Variants in PLCH2 observed in about 807,000 individuals in gnomAD.
PLCH2 encodes 1-phosphatidylinositol 4,5-bisphosphate phosphodiesterase eta-2.
PLCH2 carries 98 observed loss-of-function variants against 134.7 expected under a neutral mutation model. The ratio of observed to expected loss-of-function variants is 0.73; its 90% confidence interval spans 0.62 to 0.86. The LOEUF (loss-of-function observed/expected upper bound fraction) is 0.86. Ranked by LOEUF, PLCH2 falls within the 40% of genes least tolerant of loss-of-function variation. PLCH2 has a pLI of 0.00. For missense variants in PLCH2, 1,994 were observed against 1,986.6 expected (o/e 1.00, Z -0.07); for synonymous variants, 974 against 827.5 (o/e 1.18, Z -3.04).
rs189154166 is a variant in PLCH2 at position 2,433,752 on chromosome 1, C to T, written c.115+3123C>T. On this transcript the variant is annotated intron_variant, in intron 2 of 3. Coordinates refer to the PLCH2 transcript ENST00000609981. ...AAAAAGACAAGGGAGAAAATCAGAC[C>T]AGCCATTGCCATCCACCTCTCCCCG... is the stretch of plus-strand genomic sequence containing the variant. Among the ~76,000 whole-genome samples the T allele has an allele frequency of 7.2e-5, 11 of 152,300 alleles. No homozygotes were observed. In the East Asian group the frequency reaches 1.7e-3, roughly 24 times the overall value.
chr1:2,440,644 C>G (rs1417994505), intron 2 of PLCH2, among the ~76,000 whole-genome samples: 1 of 91,124 alleles, frequency 1.1e-5, no homozygotes, highest in Non-Finnish European at 2.0e-5. Flanking sequence ...GCCAGGGGAT[C>G]TTGCATGCTG....
upstream of PLCH2, among the ~76,000 whole-genome samples, chr1:2,466,705 C>G (rs1434280072): frequency 1.3e-5 from 2 of 152,260 alleles, no homozygotes; most frequent in African/African-American, 2.4e-5. Flanking sequence ...GAACACCCCC[C>G]ATGGGTGGAC....
chr1:2,490,907 T>G (rs1319140114), intron 10 of PLCH2, among the ~76,000 whole-genome samples: 2 of 152,212 alleles, frequency 1.3e-5, no homozygotes, highest in Admixed American at 6.5e-5. Flanking sequence ...TGGCCAGTGG[T>G]GGGACTCCAG....
chr1:2,467,551 G>A, exon 1 of PLCH2: 1 of 399,804 alleles, frequency 2.5e-6, no homozygotes, highest in Non-Finnish European at 4.4e-6. Flanking sequence ...CTCAGGGGAC[G>A]CCGGGGGCCA....
intron 1 of PLCH2, among the ~76,000 whole-genome samples, chr1:2,429,482 TGTG>T (rs1261222169): frequency 6.6e-6 from 1 of 151,850 alleles, no homozygotes; most frequent in Non-Finnish European, 1.5e-5. Flanking sequence ...TGGCGGGTGA[TGTG>T]GTGGAAAGGC....
chr1:2,502,968 G>A, intron 21 of PLCH2: 1 of 717,018 alleles, frequency 1.4e-6, no homozygotes. Flanking sequence ...GCTGGGCCTG[G>A]GTCACCTGCT....
At chr1:2,472,322 C>T (rs1413125097), upstream of PLCH2, among the ~76,000 whole-genome samples, 1 of 152,166 alleles carries the variant, frequency 6.6e-6, no homozygotes. Flanking sequence ...AGCACTGTGG[C>T]TGGGGCAAGG....
At chr1:2,429,137 C>T (rs370495236) in intron 1 of PLCH2, among the ~76,000 whole-genome samples, 4 of 151,610 alleles carry the variant, frequency 2.6e-5, no homozygotes, top group Non-Finnish European at 2.9e-5. Flanking sequence ...GGATTGGGTG[C>T]GAGGAGGGAG....
At position 2,444,303 on chromosome 1, in the gene PLCH2, G is replaced by A. The variant is rs562488920; in HGVS notation, c.115+13674G>A. Among the ~76,000 whole-genome samples, 3 of 152,354 alleles carry A rather than the reference G, an allele frequency of 2.0e-5. No individual in the cohort carries two copies. In the South Asian group the frequency reaches 6.2e-4, roughly 32 times the overall value. On this transcript the variant is annotated intron_variant, in intron 2 of 3. Coordinates refer to the PLCH2 transcript ENST00000609981. This position sits in a 1 kb window ranked among gnomAD's most constrained non-coding sequence, Gnocchi z 4.6. ...ATGACCCCTGCTGAGCCCAGGCCGG[G>A]CACCCCGATCCCTGCCGGATGGTGC...
At chr1:2,478,893 A>C (rs1237193623) in intron 2 of PLCH2, among the ~76,000 whole-genome samples, 2 of 151,914 alleles carry the variant, frequency 1.3e-5, no homozygotes, top group African/African-American at 4.8e-5. Context: ...GGCTGGAAGG[A>C]GGGGCACAGC....
intron 1 of PLCH2, chr1:2,426,090 C>T (rs1638783053): frequency 2.0e-5 from 3 of 152,268 alleles, no homozygotes; most frequent in African/African-American, 7.2e-5. Context: ...GGGAAATGGC[C>T]TCTTCTCTGC....
At chr1:2,416,112 G>C in the PLCH2 span, among the ~76,000 whole-genome samples, 1 of 152,214 alleles carries the variant, frequency 6.6e-6, no homozygotes, top group Non-Finnish European at 1.5e-5. Flanking sequence ...CCCTCTGGTG[G>C]GGTGTGAGCA....
chr1:2,482,416 T>A (rs1353034806), intron 4 of PLCH2, among the ~76,000 whole-genome samples: 1 of 152,156 alleles, frequency 6.6e-6, no homozygotes, highest in African/African-American at 2.4e-5. Context: ...CTGGGTGCAG[T>A]GAGTGGGCAC....
intron 20 of PLCH2, chr1:2,501,137 G>A (rs948055180): frequency 1.3e-5 from 2 of 152,134 alleles, no homozygotes; most frequent in Admixed American, 1.3e-4. Context: ...CTTGAATCAG[G>A]AAGCTGATTC....
At chr1:2,477,435 CTGCCCTT>C (rs1425652370) in intron 1 of PLCH2, among the ~76,000 whole-genome samples, 6 of 152,250 alleles carry the variant, frequency 3.9e-5, no homozygotes, top group Non-Finnish European at 8.8e-5. Context: ...CCGGCCAGTA[CTGCCCTT>C]GGTCCTCTAC....
rs757661038 is a variant in PLCH2 at position 2,502,210 on chromosome 1, C to T, written c.2760C>T (p.Ser920=). Residue 920 remains serine (S), a synonymous_variant, in exon 21 of 22, where the codon TCC becomes TCT. Coordinates refer to ENST00000378486, the MANE Select transcript of PLCH2 (RefSeq NM_014638.4). ...HAAGRPPARP[S]VSQRILRRTA... ...CTGGGCGGCCCCCGGCCCGGCCCTC[C>T]GTTAGCCAGCGGATCCTGCGGCGCA... 4.2e-5 allele frequency: 64 copies of T among 1,539,784 alleles called. No individual in the cohort carries two copies. Among genetic ancestry groups the T allele is most frequent in the Admixed American group, 9.9e-5 (5 of 50,460 alleles).
At position 2,504,714 on chromosome 1, in the gene PLCH2, C is replaced by A; in HGVS notation, c.3752C>A (p.Ala1251Asp). 6.2e-7 allele frequency: 1 copy of A among 1,612,590 alleles called. No homozygotes were observed. Among genetic ancestry groups the A allele is most frequent in the African/African-American group, 1.3e-5 (1 of 75,044 alleles). Residue 1251 changes from alanine (A) to aspartate (D), a missense_variant, in exon 22 of 22, where the codon GCT (alanine) becomes GAT (aspartate). Ala to Asp is a moderately radical substitution (Grantham distance 126). This residue lies in a region of PLCH2 where 900 missense variants were observed against 752.3 expected (regional missense o/e 1.20). Coordinates refer to ENST00000378486, the MANE Select transcript of PLCH2 (RefSeq NM_014638.4). ...GTGGGCGTGCAGGACTGCCCCGTGG[C>A]TGCCAAGTCCAAGAGCCTGGGCGAC... Reference protein sequence around the residue: ...SLVGVQDCPVAAKSKSLGDLT... With the variant: ...SLVGVQDCPVDAKSKSLGDLT...
chr1:2,469,210 T>C (rs1372433982), intron 1 of PLCH2, among the ~76,000 whole-genome samples: 1 of 152,192 alleles, frequency 6.6e-6, no homozygotes, highest in Non-Finnish European at 1.5e-5. Flanking sequence ...TCAGGATGCC[T>C]GCCTGCTGTG....
chr1:2,424,726 G>C (rs576207893), upstream of PLCH2, among the ~76,000 whole-genome samples: 9 of 152,264 alleles, frequency 5.9e-5, no homozygotes, highest in Admixed American at 1.3e-4. Flanking sequence ...GGTGGCTCAT[G>C]CCTGTAATCC....
Sources: allele counts gnomAD v4.1 joint callset (sites outside exome capture counted in the v4.1 genomes callset), GRCh38; gene constraint gnomAD v4.1.1; regional missense constraint gnomAD v4.1.1; non-coding constraint Gnocchi (gnomAD v3.1); transcripts MANE v1.5; gene names NCBI Gene and HGNC (gene_info 2026-07-23, HGNC 2026-07-21).